FNTB: variants seen among roughly 807,000 people sequenced by gnomAD.
FNTB encodes protein farnesyltransferase subunit beta.
In FNTB, 27 loss-of-function variants were observed where a neutral mutation model predicts 59.4. The ratio of observed to expected loss-of-function variants is 0.45; its 90% CI spans 0.34 to 0.63. The LOEUF is 0.63. Ranked by LOEUF, FNTB falls within the 20% of genes least tolerant of loss-of-function variation. The pLI is 0.02. For missense variants in FNTB, 449 were observed against 559.6 expected (o/e 0.80, Z 1.99); for synonymous variants, 230 against 220.7 (o/e 1.04, Z -0.37).
Position 65,027,832 on chromosome 14 carries a change from C to A in FNTB, c.605+51C>A, listed in dbSNP as rs1051153471. On this transcript the variant is annotated intron_variant, in intron 6 of 11. Transcript: ENST00000246166. This position sits in a 1 kb window ranked among gnomAD's most constrained non-coding sequence, Gnocchi z 5.7. ...CACATCAGTTGACTCTAGAGCTCATCTGCCATTAGAGATGCCAAGCCTAAG... is the reference window on the plus strand; with the variant it reads ...CACATCAGTTGACTCTAGAGCTCATATGCCATTAGAGATGCCAAGCCTAAG... 2 of 1,610,606 alleles carry A rather than the reference C, an allele frequency of 1.2e-6. No homozygotes were observed. The highest frequency in any genetic ancestry group is 1.7e-4 in the Middle Eastern group (1 of 5,960).
Position 64,988,530 on chromosome 14 carries a change from G to A in FNTB, c.144+1433G>A, listed in dbSNP as rs143201671. Among the ~76,000 whole-genome samples, 396 of 150,930 alleles carry A rather than the reference G, an allele frequency of 2.6e-3. 1 individual carries two copies. The highest frequency in any genetic ancestry group is 9.3e-3 in the African/African-American group (379 of 40,944). ...GCTTACTGCACCCTCCGCCTCCCGG[G>A]TTCACGCCATTCGCCTGCCTCAGCC... On this transcript the variant is annotated intron_variant, in intron 1 of 11. Transcript: ENST00000246166.
At chr14:65,037,394 C>A (rs1424268125) in intron 7 of FNTB, among the ~76,000 whole-genome samples, 1 of 120,150 alleles carries the variant, frequency 8.3e-6, no homozygotes, top group Non-Finnish European at 1.7e-5. Context: ...TGAGCCACCA[C>A]GCCGGGCCCT....
chr14:65,048,481 G>A (rs1302459435), intron 9 of FNTB, among the ~76,000 whole-genome samples: 2 of 152,186 alleles, frequency 1.3e-5, no homozygotes, highest in Admixed American at 6.5e-5. Flanking sequence ...CCCAGCAAGT[G>A]ACCATCAGTG....
At chr14:64,989,531 T>TA (rs202226077) in intron 1 of FNTB, among the ~76,000 whole-genome samples, 16,005 of 145,074 alleles carry the variant, frequency 0.11, 1,111 homozygotes, top group East Asian at 0.3. Context: ...CTTTTCAAAT[T>TA]AAAAAAAAAA....
intron 9 of FNTB, among the ~76,000 whole-genome samples, chr14:65,051,517 A>G (rs2062610023): frequency 6.6e-6 from 1 of 151,912 alleles, no homozygotes; most frequent in Admixed American, 6.6e-5. Flanking sequence ...AGGCTGAGGC[A>G]GGACAATCGC....
intron 4 of FNTB, chr14:65,022,036 C>T (rs1369844801): frequency 2.2e-6 from 1 of 455,930 alleles, no homozygotes; most frequent in Non-Finnish European, 4.4e-6. Context: ...AATAACACGT[C>T]TGACTCTGTG....
intron 1 of FNTB, chr14:65,003,255 ATGT>A (rs2061539698): frequency 1.3e-5 from 2 of 152,270 alleles, no homozygotes; most frequent in African/African-American, 4.8e-5. Flanking sequence ...TCAACAATTG[ATGT>A]TGTTATAAAT....
chr14:65,024,010 G>A (rs2061934908), intron 4 of FNTB, among the ~76,000 whole-genome samples: 1 of 151,954 alleles, frequency 6.6e-6, no homozygotes, highest in Non-Finnish European at 1.5e-5. Flanking sequence ...GCTGAGGGAG[G>A]AGAATCACTT....
intron 11 of FNTB, among the ~76,000 whole-genome samples, chr14:65,057,838 G>A (rs1470820481): frequency 6.6e-6 from 1 of 152,140 alleles, no homozygotes; most frequent in Non-Finnish European, 1.5e-5. Context: ...TGTATCTCAT[G>A]TGTACCACAC....
At position 65,048,339 on chromosome 14, in the gene FNTB, C is replaced by A. The variant is rs1438578605; in HGVS notation, c.955+3896C>A. ...TACTGTGCCTTTAAAAAAAAAAAAA[C>A]CATGTGCATTACTAATTTTATTTTG... On this transcript the variant is annotated intron_variant, in intron 9 of 11. Transcript: ENST00000246166. Among the ~76,000 whole-genome samples, 7 of 148,102 alleles carry A rather than the reference C, an allele frequency of 4.7e-5. No homozygotes were observed. The East Asian group carries it at 6.0e-4, about 13-fold the overall frequency.
intron 1 of FNTB, among the ~76,000 whole-genome samples, chr14:64,995,962 A>G (rs1888377330): frequency 6.6e-6 from 1 of 150,986 alleles, no homozygotes; most frequent in Non-Finnish European, 1.5e-5. Context: ...ATCTCTACTA[A>G]AAATACAAAA....
Position 65,012,968 on chromosome 14 carries a change from AAT to A in FNTB, c.282+582_282+583del. On this transcript the variant is annotated intron_variant, in intron 3 of 11. Coordinates refer to ENST00000246166, the MANE Select transcript of FNTB (RefSeq NM_002028.4). This position sits in a 1 kb window ranked among gnomAD's most constrained non-coding sequence, Gnocchi z 5.0. ...CATTACTGTTTAAGAGTAGATCTTT[AAT>A]ATTTCCCAGAGCAACGTCAGGACTG... Among the ~76,000 whole-genome samples the A allele has an allele frequency of 6.6e-6, 1 of 152,204 alleles. No individual in the cohort carries two copies. Among genetic ancestry groups the A allele is most frequent in the South Asian group, 2.1e-4 (1 of 4,810 alleles).
At chr14:65,000,815 C>CAA (rs59420832) in intron 1 of FNTB, among the ~76,000 whole-genome samples, 24 of 36,464 alleles carry the variant, frequency 6.6e-4, no homozygotes, top group Non-Finnish European at 9.1e-4. Flanking sequence ...GACTCCGTCT[C>CAA]AAAAAAAAAA....
Position 65,011,266 on chromosome 14 carries a change from T to TA in FNTB, c.210-1046dup, listed in dbSNP as rs1331030680. On this transcript the variant is annotated intron_variant, in intron 2 of 11. Transcript: ENST00000246166. The surrounding 1 kb of genome is among the most constrained non-coding windows in gnomAD (Gnocchi z 4.0). ...AACATGGTGAAACCCCCGTCTCCAC[T>TA]AAAAATACAAAAATTAGCTGGGTGT... Among the ~76,000 whole-genome samples the TA allele has an allele frequency of 1.3e-5, 2 of 151,932 alleles. No homozygotes were observed. Among genetic ancestry groups the TA allele is most frequent in the Non-Finnish European group, 2.9e-5 (2 of 67,976 alleles).
chr14:65,033,681 C>T (rs2062130529), intron 7 of FNTB, among the ~76,000 whole-genome samples: 1 of 152,138 alleles, frequency 6.6e-6, no homozygotes, highest in South Asian at 2.1e-4. Context: ...CATGGTGACA[C>T]CCCGTCTCTA....
At position 65,023,260 on chromosome 14, in the gene FNTB, T is replaced by C. The variant is rs1382914283; in HGVS notation, c.375-4193T>C. Among the ~76,000 whole-genome samples the C allele has an allele frequency of 1.3e-5, 2 of 152,142 alleles. No individual in the cohort carries two copies. The highest frequency in any genetic ancestry group is 2.9e-5 in the Non-Finnish European group (2 of 68,030). On this transcript the variant is annotated intron_variant, in intron 4 of 11. Coordinates refer to ENST00000246166, the MANE Select transcript of FNTB (RefSeq NM_002028.4). The surrounding 1 kb of genome is among the most constrained non-coding windows in gnomAD (Gnocchi z 4.1). ...TTCTTGTAGAGATGGGGTTTTGCCATGTTGCCCAGGCTGGCCTTGAACTCC... is the reference window on the plus strand; with the variant it reads ...TTCTTGTAGAGATGGGGTTTTGCCACGTTGCCCAGGCTGGCCTTGAACTCC...
At chr14:65,005,511 T>TTCTTTCTCTCTC (rs1555390096) in intron 2 of FNTB, among the ~76,000 whole-genome samples, 56 of 64,450 alleles carry the variant, frequency 8.7e-4, no homozygotes, top group African/African-American at 4.3e-3. Context: ...CTTTCTTTCT[T>TTCTTTCTCTCTC]TCTCTCTCTC....
rs887677403 is a variant in FNTB, at chr14:65,009,569, T to G, written c.210-2748T>G. 1.3e-5 allele frequency among the ~76,000 whole-genome samples: 2 copies of G among 152,052 alleles called. No homozygotes were observed. Among genetic ancestry groups the G allele is most frequent in the African/African-American group, 4.8e-5 (2 of 41,392 alleles). On this transcript the variant is annotated intron_variant, in intron 2 of 11. Coordinates refer to ENST00000246166, the MANE Select transcript of FNTB (RefSeq NM_002028.4). The surrounding 1 kb of genome is among the most constrained non-coding windows in gnomAD (Gnocchi z 4.2). ...TCTCGCTCAAAGAATGCAGCATCCT[T>G]CCTTATTCCAGGCTCACCTCTCCTA...
At chr14:65,056,951 C>A (rs1224339545) in intron 11 of FNTB, among the ~76,000 whole-genome samples, 1 of 152,196 alleles carries the variant, frequency 6.6e-6, no homozygotes, top group African/African-American at 2.4e-5. Context: ...ATGTGGAAAT[C>A]AAAGGGGAAG....
Sources: gnomAD v4.1 joint callset for allele counts (sites outside exome capture counted in the v4.1 genomes callset) on GRCh38, gnomAD v4.1.1 for gene constraint, Gnocchi (gnomAD v3.1) non-coding constraint, MANE v1.5 for transcripts, NCBI Gene and HGNC (gene_info 2026-07-23, HGNC 2026-07-21) for gene names.